MBOAT1: variants seen among roughly 807,000 people sequenced by gnomAD.
The protein encoded by MBOAT1 is membrane-bound glycerophospholipid O-acyltransferase 1.
In MBOAT1, 67 loss-of-function variants were observed where a neutral mutation model predicts 64.4. The observed-to-expected ratio is 1.04, with a 90% CI of 0.85 to 1.27. MBOAT1 has a LOEUF of 1.27. Ranked by LOEUF, MBOAT1 falls within the 50% of genes most tolerant of loss-of-function variation. The pLI, the probability that MBOAT1 is intolerant of heterozygous loss-of-function variation, is 0.00. For synonymous variants in MBOAT1, 229 were observed against 218.9 expected (o/e 1.05, Z -0.41); for missense variants, 563 against 604.6 (o/e 0.93, Z 0.72).
Position 20,148,787 on chromosome 6 carries a change from T to C in MBOAT1, c.323+2398A>G, listed in dbSNP as rs117870027. On this transcript the variant is annotated intron_variant, in intron 3 of 12. Transcript: ENST00000324607. ...TGAAACAATTTCCACTTCGGCAATA[T>C]TGGCAGCCACAAGAGCAAACCAAGA... Among the ~76,000 whole-genome samples, 657 of 152,240 alleles carry C rather than the reference T, an allele frequency of 4.3e-3. 33 individuals carry two copies. In the East Asian group the frequency reaches 0.11, roughly 26 times the overall value.
At chr6:20,187,654 T>C (rs770683177) in intron 1 of MBOAT1, among the ~76,000 whole-genome samples, 1 of 152,176 alleles carries the variant, frequency 6.6e-6, no homozygotes, top group Admixed American at 6.5e-5. Context: ...CCTGGATTCA[T>C]GAATATGAAA....
chr6:20,105,032 A>G (rs971153697), intron 12 of MBOAT1, among the ~76,000 whole-genome samples: 83 of 152,236 alleles, frequency 5.5e-4, no homozygotes, highest in Non-Finnish European at 6.5e-4. Context: ...TGTCTAAACC[A>G]AGACATTATT....
In MBOAT1 at chr6:20,100,165, GTTC is replaced by G. The variant is rs765980992; in HGVS notation, c.*2118_*2120del. On this transcript the variant is annotated 3_prime_UTR_variant, in exon 13 of 13. Coordinates refer to ENST00000324607, the MANE Select transcript of MBOAT1 (RefSeq NM_001080480.3). ...CAGACACCTCTGCTCTCATTACCAA[GTTC>G]TTCTTTCAGACATGAGGATACTTAC... Among the ~76,000 whole-genome samples, 4 of 152,146 alleles carry G rather than the reference GTTC, an allele frequency of 2.6e-5. No homozygotes were observed. The highest frequency in any genetic ancestry group is 5.9e-5 in the Non-Finnish European group (4 of 68,034).
intron 1 of MBOAT1, among the ~76,000 whole-genome samples, chr6:20,196,850 G>A (rs973275459): frequency 3.7e-5 from 5 of 134,616 alleles, no homozygotes; most frequent in Non-Finnish European, 4.8e-5. Flanking sequence ...CAACAAGAGC[G>A]AAACTCCATC....
chr6:20,204,832 G>A (rs1046029311), intron 1 of MBOAT1, among the ~76,000 whole-genome samples: 13 of 152,172 alleles, frequency 8.5e-5, no homozygotes, highest in African/African-American at 2.7e-4. Context: ...ACCTGAGTTC[G>A]AGTCCTGCCT....
At chr6:20,106,429 CT>C (rs371850150) in intron 12 of MBOAT1, among the ~76,000 whole-genome samples, 3,193 of 146,998 alleles carry the variant, frequency 0.022, 99 homozygotes, top group African/African-American at 0.073. Context: ...ATAGAAACTC[CT>C]TTTTTTTTTT....
At chr6:20,197,739 G>T (rs930501985) in intron 1 of MBOAT1, among the ~76,000 whole-genome samples, 2 of 152,048 alleles carry the variant, frequency 1.3e-5, no homozygotes, top group Non-Finnish European at 2.9e-5. Flanking sequence ...ACCAAGCTGT[G>T]CCCTGACCAC....
chr6:20,156,689 T>G (rs1397527045), intron 1 of MBOAT1, among the ~76,000 whole-genome samples: 7 of 152,224 alleles, frequency 4.6e-5, no homozygotes, highest in Admixed American at 4.6e-4. Context: ...TGTGAAAACA[T>G]TTGAACCCAT....
At chr6:20,106,044 T>C (rs1387713887) in intron 12 of MBOAT1, among the ~76,000 whole-genome samples, 3 of 152,166 alleles carry the variant, frequency 2.0e-5, no homozygotes, top group African/African-American at 7.2e-5. Flanking sequence ...GAAATTTCAA[T>C]GTTAAGCAAT....
rs1479375707 is a variant in MBOAT1 at position 20,100,127 on chromosome 6, C to G, written c.*2159G>C. On this transcript the variant is annotated 3_prime_UTR_variant, in exon 13 of 13. Transcript: ENST00000324607. ...GAGAGTCCTTGGCAAACCAGGGCAG[C>G]TGGTCACCAAAGCAGACACCTCTGC... Among the ~76,000 whole-genome samples the G allele has an allele frequency of 2.6e-5, 4 of 152,212 alleles. No individual in the cohort carries two copies. The highest frequency in any genetic ancestry group is 9.6e-5 in the African/African-American group (4 of 41,468).
intron 5 of MBOAT1, among the ~76,000 whole-genome samples, chr6:20,129,876 A>T (rs1329753849): frequency 1.3e-5 from 2 of 152,206 alleles, no homozygotes; most frequent in Non-Finnish European, 2.9e-5. Flanking sequence ...TTTGGCACTG[A>T]AAGTCACATC....
chr6:20,124,324 G>T, intron 8 of MBOAT1, 84 bp downstream of exon 8: 1 of 1,394,674 alleles, frequency 7.2e-7, no homozygotes, highest in Non-Finnish European at 9.8e-7. Flanking sequence ...CTTTGATGAA[G>T]TGATCCAAAA....
At chr6:20,201,186 T>C (rs1229872668) in intron 1 of MBOAT1, among the ~76,000 whole-genome samples, 3 of 152,204 alleles carry the variant, frequency 2.0e-5, no homozygotes, top group Non-Finnish European at 4.4e-5. Flanking sequence ...GGAGGAGTTA[T>C]AACTCCAGAT....
intron 3 of MBOAT1, among the ~76,000 whole-genome samples, chr6:20,147,440 G>A (rs181043649): frequency 7.9e-5 from 12 of 152,354 alleles, no homozygotes; most frequent in Non-Finnish European, 1.5e-4. Flanking sequence ...AGGGGTTCGA[G>A]ACCAGCCTGA....
chr6:20,195,675 A>C (rs866773027), intron 1 of MBOAT1, among the ~76,000 whole-genome samples: 5 of 152,214 alleles, frequency 3.3e-5, no homozygotes, highest in South Asian at 2.1e-4. Context: ...ATCTATAAAT[A>C]TGTTTATATG....
intron 1 of MBOAT1, among the ~76,000 whole-genome samples, chr6:20,208,695 G>GA (rs1036843615): frequency 8.6e-5 from 13 of 151,548 alleles, no homozygotes; most frequent in African/African-American, 3.1e-4. Context: ...AAATTAGGGG[G>GA]AAAAAAAAAT....
intron 4 of MBOAT1, among the ~76,000 whole-genome samples, chr6:20,136,614 T>G (rs952017853): frequency 1.3e-5 from 2 of 152,110 alleles, no homozygotes; most frequent in African/African-American, 4.8e-5. Flanking sequence ...CACGGAACAA[T>G]AGGACAAATG....
chr6:20,115,265 G>A (rs1760285202), intron 10 of MBOAT1, 23 bp downstream of exon 10: 1 of 1,589,992 alleles, frequency 6.3e-7, no homozygotes, highest in Non-Finnish European at 8.6e-7. Context: ...CCTAAGTAAT[G>A]AGGTCGTTTT....
At chr6:20,165,080 T>C (rs372019074) in intron 1 of MBOAT1, among the ~76,000 whole-genome samples, 22 of 152,318 alleles carry the variant, frequency 1.4e-4, no homozygotes, top group African/African-American at 5.3e-4. Flanking sequence ...AGAGTGGGTT[T>C]TTTAGGATGT....
Sources: allele counts gnomAD v4.1 joint callset (sites outside exome capture counted in the v4.1 genomes callset), GRCh38; gene constraint gnomAD v4.1.1; transcripts MANE v1.5; gene names NCBI Gene and HGNC (gene_info 2026-07-23, HGNC 2026-07-21).